The following FBXL2 variants were observed in gnomAD, a reference collection of about 807,000 sequenced individuals.
The protein encoded by FBXL2 is F-box/LRR-repeat protein 2.
A neutral mutation model predicts 69.2 loss-of-function variants in FBXL2; 38 were observed. The observed-to-expected ratio is 0.55, with a 90% CI of 0.42 to 0.72. FBXL2 has a LOEUF of 0.72. FBXL2 is among the 30% of genes least tolerant of loss of function. FBXL2 has a pLI of 0.00. For synonymous variants in FBXL2, 192 were observed against 201.3 expected (o/e 0.95, Z 0.39); for missense variants, 354 against 520.3 (o/e 0.68, Z 3.11).
intron 12 of FBXL2, among the ~76,000 whole-genome samples, chr3:33,402,476 T>C (rs951012685): frequency 7.2e-5 from 11 of 152,248 alleles, no homozygotes; most frequent in Admixed American, 3.3e-4. Context: ...AAACTCACTT[T>C]GTCCCTCTCT....
downstream of FBXL2, chr3:33,391,712 A>C (rs2043771479): frequency 6.6e-6 from 1 of 152,238 alleles, no homozygotes; most frequent in Non-Finnish European, 1.5e-5. Flanking sequence ...TAAACGTGTA[A>C]GATACCATCA....
intron 1 of FBXL2, among the ~76,000 whole-genome samples, chr3:33,285,353 A>G (rs1272644559): frequency 1.3e-5 from 2 of 152,218 alleles, no homozygotes; most frequent in Admixed American, 6.5e-5. Context: ...TTCTTTAAAA[A>G]TGTTGAATAT....
At chr3:33,378,487 G>GT (rs2042790466) in intron 12 of FBXL2, among the ~76,000 whole-genome samples, 198 bp from the exon 13 acceptor site, 1 of 152,198 alleles carries the variant, frequency 6.6e-6, no homozygotes, top group Non-Finnish European at 1.5e-5. Context: ...TACCAGAAGA[G>GT]AGACAAAGAA....
intron 1 of FBXL2, among the ~76,000 whole-genome samples, chr3:33,286,729 C>T (rs1033227064): frequency 6.6e-6 from 1 of 152,234 alleles, no homozygotes; most frequent in African/African-American, 2.4e-5. Flanking sequence ...ACTCAAGCCT[C>T]AGCAATGGCG....
chr3:33,367,500 A>G (rs1270547601), intron 5 of FBXL2, among the ~76,000 whole-genome samples: 1 of 152,118 alleles, frequency 6.6e-6, no homozygotes, highest in Non-Finnish European at 1.5e-5. Flanking sequence ...TATTAGCATT[A>G]AGTTGTTTAT....
In FBXL2 at chr3:33,359,263, C is replaced by G. The variant is rs1327857577; in HGVS notation, c.121-20C>G. 2 of 1,603,230 alleles carry G rather than the reference C, an allele frequency of 1.2e-6. No homozygotes were observed. The highest frequency in any genetic ancestry group is 1.1e-5 in the South Asian group (1 of 89,948). On this transcript the variant is annotated intron_variant, in intron 3 of 14. Coordinates refer to ENST00000484457, the MANE Select transcript of FBXL2 (RefSeq NM_012157.5). ...GTTTCTTTCATCCCAATCCCTCTTC[C>G]TTTACCTCCCACCTTCCAGGCTTGG...
intron 12 of FBXL2, among the ~76,000 whole-genome samples, chr3:33,394,178 T>C (rs899988407): frequency 3.8e-4 from 56 of 146,450 alleles, no homozygotes; most frequent in African/African-American, 1.1e-3. Flanking sequence ...CACGCCACCA[T>C]GCCTGGCTAA....
Position 33,385,585 on chromosome 3 carries a change from T to C in FBXL2, c.1249T>C (p.Cys417Arg). 1 of 1,613,996 alleles carries C rather than the reference T, an allele frequency of 6.2e-7. No individual in the cohort carries two copies. Among genetic ancestry groups the C allele is most frequent in the Non-Finnish European group, 8.5e-7 (1 of 1,179,936 alleles). Residue 417 changes from cysteine to arginine, a missense_variant, in exon 15 of 15, where the codon TGC (cysteine) becomes CGC (arginine). Transcript: ENST00000484457. ...AGTGGCAGGAAGTGGACAGCGACTG[T>C]GCAGGTGCTGTGTCATTCTCTGACA... ...TAVAGSGQRL[C>R]RCCVIL
At chr3:33,403,404 C>A (rs763734595) in exon 13 of FBXL2, 2 of 187,590 alleles carry the variant, frequency 1.1e-5, no homozygotes, top group Non-Finnish European at 2.2e-5. Context: ...TTCTCTGATA[C>A]CTCTAAAGGT....
chr3:33,332,232 G>C (rs1313704346), intron 2 of FBXL2, among the ~76,000 whole-genome samples: 1 of 152,170 alleles, frequency 6.6e-6, no homozygotes, highest in Non-Finnish European at 1.5e-5. Flanking sequence ...AGCCAAAGTA[G>C]AAGTGGAATA....
chr3:33,364,945 T>A, intron 5 of FBXL2, among the ~76,000 whole-genome samples: 1 of 152,148 alleles, frequency 6.6e-6, no homozygotes, highest in East Asian at 1.9e-4. Context: ...CCCGGCCGAG[T>A]GTCAGTTCTC....
At chr3:33,355,202 T>C (rs115533929) in intron 2 of FBXL2, among the ~76,000 whole-genome samples, 2,758 of 152,260 alleles carry the variant, frequency 0.018, 34 homozygotes, top group South Asian at 0.027. Flanking sequence ...AGTGCTGGGA[T>C]TATAGGCATG....
At chr3:33,317,765 A>G (rs2037840542) in intron 2 of FBXL2, among the ~76,000 whole-genome samples, 2 of 152,158 alleles carry the variant, frequency 1.3e-5, no homozygotes, top group African/African-American at 2.4e-5. Flanking sequence ...ATGTTAGGGA[A>G]TATGCCCTTA....
chr3:33,381,732 T>C (rs1271525585), intron 13 of FBXL2, among the ~76,000 whole-genome samples: 2 of 152,190 alleles, frequency 1.3e-5, no homozygotes, highest in East Asian at 1.9e-4. Context: ...CAAACTTCTA[T>C]TTTTTTATTT....
At chr3:33,390,852 A>G (rs1050609719), downstream of FBXL2, 1 of 153,378 alleles carries the variant, frequency 6.5e-6, no homozygotes, top group Non-Finnish European at 1.5e-5. Flanking sequence ...CTCAGTAAAT[A>G]GTGAGAAGCA....
At chr3:33,350,485 T>G (rs1575299616) in intron 2 of FBXL2, among the ~76,000 whole-genome samples, 1 of 151,464 alleles carries the variant, frequency 6.6e-6, no homozygotes, top group Non-Finnish European at 1.5e-5. Flanking sequence ...CAGGCTGGAG[T>G]GCAGTGGTGC....
downstream of FBXL2, chr3:33,391,495 C>A (rs1451590973): frequency 6.6e-6 from 1 of 152,206 alleles, no homozygotes; most frequent in Non-Finnish European, 1.5e-5. Context: ...ACATCTCAAG[C>A]CCAGGCCTCT....
chr3:33,329,074 C>T (rs2038950644), intron 2 of FBXL2, among the ~76,000 whole-genome samples: 1 of 151,992 alleles, frequency 6.6e-6, no homozygotes, highest in South Asian at 2.1e-4. Flanking sequence ...CTTCCCCCGA[C>T]CCAGATAGTC....
the FBXL2 span, among the ~76,000 whole-genome samples, chr3:33,410,578 A>T: frequency 6.6e-6 from 1 of 152,270 alleles, no homozygotes; most frequent in Non-Finnish European, 1.5e-5. Context: ...AAGGCTGGTC[A>T]GCAAGTAAGT....
Sources: allele counts gnomAD v4.1 joint callset (sites outside exome capture counted in the v4.1 genomes callset), GRCh38; gene constraint gnomAD v4.1.1; transcripts MANE v1.5; gene names NCBI Gene and HGNC (gene_info 2026-07-23, HGNC 2026-07-21).